Variants in TMEM132D observed in about 807,000 individuals in gnomAD.
TMEM132D encodes transmembrane protein 132D, also known as mature OL transmembrane protein.
In TMEM132D, 21 loss-of-function variants were observed where a neutral mutation model predicts 62.3. The ratio of observed to expected loss-of-function variants is 0.34; its 90% CI spans 0.24 to 0.49. TMEM132D has a LOEUF of 0.49. TMEM132D is among the 20% of genes least tolerant of loss of function. TMEM132D has a pLI of 0.99. For missense variants in TMEM132D, 1,346 were observed against 1,402.8 expected, an observed-to-expected ratio of 0.96 and a Z score of 0.65; for synonymous variants, 621 against 575.6, an observed-to-expected ratio of 1.08 and a Z score of -1.13.
intron 5 of TMEM132D, among the ~76,000 whole-genome samples, chr12:129,100,579 A>C (rs1875270272): frequency 6.6e-6 from 1 of 152,218 alleles, no homozygotes; most frequent in Non-Finnish European, 1.5e-5. Flanking sequence ...TTACTGTAAA[A>C]AATCAGCCAG....
At chr12:129,809,345 G>A (rs1196468531) in intron 1 of TMEM132D, among the ~76,000 whole-genome samples, 2 of 151,252 alleles carry the variant, frequency 1.3e-5, no homozygotes, top group Admixed American at 6.6e-5. Flanking sequence ...AACGCTCTGA[G>A]CAAACCTTGG....
At chr12:129,792,561 A>G (rs12318849) in intron 1 of TMEM132D, among the ~76,000 whole-genome samples, 5,878 of 152,260 alleles carry the variant, frequency 0.039, 393 homozygotes, top group African/African-American at 0.13. Flanking sequence ...CATGGGAAAC[A>G]AATGAGACAC....
chr12:129,294,972 C>A (rs1881532193), intron 4 of TMEM132D, among the ~76,000 whole-genome samples: 1 of 152,164 alleles, frequency 6.6e-6, no homozygotes, highest in African/African-American at 2.4e-5. Flanking sequence ...TATTTGGTCA[C>A]ATGTTACTGA....
intron 3 of TMEM132D, among the ~76,000 whole-genome samples, chr12:129,419,181 C>G (rs986209008): frequency 2.8e-5 from 3 of 106,942 alleles, no homozygotes; most frequent in African/African-American, 1.2e-4. Flanking sequence ...CCTTGAGAGT[C>G]CCCAACTCCA....
chr12:129,803,501 GAC>G (rs1266016530), intron 1 of TMEM132D, among the ~76,000 whole-genome samples: 38 of 151,746 alleles, frequency 2.5e-4, no homozygotes, highest in Non-Finnish European at 4.6e-4. Context: ...CGAGAAGAAA[GAC>G]ACAACATACC....
Position 129,428,002 on chromosome 12 carries a change from C to G in TMEM132D, c.1116-90185G>C, listed in dbSNP as rs141099640. On this transcript the variant is annotated intron_variant, in intron 3 of 8. Transcript: ENST00000422113. ...GAAATTTCTCCATGGGAAATTTACA[C>G]TTCTATAAAAATTCATATATAATAA... 2.2e-4 allele frequency among the ~76,000 whole-genome samples: 33 copies of G among 152,172 alleles called. 1 individual carries two copies. In the East Asian group the frequency reaches 6.4e-3, roughly 29 times the overall value.
intron 1 of TMEM132D, among the ~76,000 whole-genome samples, chr12:129,821,862 G>T (rs1350150248): frequency 1.3e-5 from 2 of 152,182 alleles, no homozygotes; most frequent in African/African-American, 4.8e-5. Flanking sequence ...GAGTCATGAA[G>T]CCTGCTGGTC....
rs1481575226 is a variant in TMEM132D at position 129,073,940 on chromosome 12, C to A, written c.3235G>T (p.Asp1079Tyr). Residue 1079 changes from aspartate (D) to tyrosine (Y), a missense_variant, in exon 9 of 9, where the codon GAT (aspartate) becomes TAT (tyrosine). Physicochemically the swap from Asp to Tyr is radical, Grantham distance 160. Transcript: ENST00000422113. ...SEDDIKWVCQDLDPGDCKELH... is the reference protein window; with the variant it reads ...SEDDIKWVCQYLDPGDCKELH... ...TCTTTGCAGTCCCCAGGGTCCAGATCCTGGCAGACCCACTTAATGTCATCC... is the reference window on the plus strand; with the variant it reads ...TCTTTGCAGTCCCCAGGGTCCAGATACTGGCAGACCCACTTAATGTCATCC... 1.9e-6 allele frequency: 3 copies of A among 1,604,656 alleles called. No homozygotes were observed. The highest frequency in any genetic ancestry group is 2.2e-5 in the East Asian group (1 of 44,744).
intron 3 of TMEM132D, among the ~76,000 whole-genome samples, chr12:129,471,729 AAGG>A (rs1489425255): frequency 1.5e-4 from 23 of 152,346 alleles, no homozygotes; most frequent in Admixed American, 3.9e-4. Context: ...TGTGAATGCA[AAGG>A]AGAAGTTTTT....
chr12:129,400,643 A>G (rs2135700058), intron 3 of TMEM132D, among the ~76,000 whole-genome samples: 1 of 152,288 alleles, frequency 6.6e-6, no homozygotes, highest in African/African-American at 2.4e-5. Flanking sequence ...CAAAAATCCA[A>G]TTAATGAACC....
intron 2 of TMEM132D, among the ~76,000 whole-genome samples, chr12:129,571,762 C>T (rs1877520177): frequency 6.6e-6 from 1 of 151,916 alleles, no homozygotes; most frequent in Admixed American, 6.6e-5. Flanking sequence ...TTTTGATCTG[C>T]TATTCCCAAT....
At chr12:129,604,087 G>C (rs1277704400) in intron 2 of TMEM132D, among the ~76,000 whole-genome samples, 1 of 152,092 alleles carries the variant, frequency 6.6e-6, no homozygotes, top group Admixed American at 6.5e-5. Flanking sequence ...AACACTGCAT[G>C]TTCTCACTCA....
intron 3 of TMEM132D, among the ~76,000 whole-genome samples, chr12:129,443,864 C>T (rs1178941813): frequency 6.6e-6 from 1 of 152,050 alleles, no homozygotes; most frequent in Non-Finnish European, 1.5e-5. Flanking sequence ...GGCCACGTGG[C>T]CCAAATGACT....
At position 129,662,446 on chromosome 12, in the gene TMEM132D, T is replaced by C. The variant is rs192884004; in HGVS notation, c.968+37364A>G. 4.4e-3 allele frequency among the ~76,000 whole-genome samples: 674 copies of C among 152,308 alleles called. 7 individuals are homozygous for C. Among genetic ancestry groups the C allele is most frequent in the African/African-American group, 0.015 (644 of 41,572 alleles). On this transcript the variant is annotated intron_variant, in intron 2 of 8. Transcript: ENST00000422113. ...TGACCTATGTGGATAAAATCCATAA[T>C]CCTGGCTTTTTTTGGCCAAGACTCA...
intron 5 of TMEM132D, among the ~76,000 whole-genome samples, chr12:129,092,057 G>A (rs1211842098): frequency 6.6e-6 from 1 of 152,156 alleles, no homozygotes; most frequent in Non-Finnish European, 1.5e-5. Context: ...ACATTACAAT[G>A]CTGATGGTTT....
chr12:129,519,582 T>C (rs1875788046), intron 3 of TMEM132D, among the ~76,000 whole-genome samples: 1 of 143,668 alleles, frequency 7.0e-6, no homozygotes, highest in Non-Finnish European at 1.5e-5. Flanking sequence ...GTCAAAGCAA[T>C]CTATGACACC....
intron 3 of TMEM132D, among the ~76,000 whole-genome samples, chr12:129,364,011 T>C (rs1870330409): frequency 6.6e-6 from 1 of 152,242 alleles, no homozygotes. Flanking sequence ...TTCTTTTATC[T>C]CAGGCTTCAA....
At chr12:129,495,618 C>T (rs1383646916) in intron 3 of TMEM132D, among the ~76,000 whole-genome samples, 1 of 152,160 alleles carries the variant, frequency 6.6e-6, no homozygotes, top group Admixed American at 6.5e-5. Context: ...CCCCGAGTCA[C>T]GTCCCTTTCT....
At chr12:129,210,780 G>A (rs1879018954) in intron 4 of TMEM132D, 1 of 152,194 alleles carries the variant, frequency 6.6e-6, no homozygotes, top group African/African-American at 2.4e-5. Flanking sequence ...ACAGGGAAAG[G>A]ACTGGGATTT....
Sources: allele counts gnomAD v4.1 joint callset (sites outside exome capture counted in the v4.1 genomes callset), GRCh38; gene constraint gnomAD v4.1.1; transcripts MANE v1.5; gene names NCBI Gene and HGNC (gene_info 2026-07-23, HGNC 2026-07-21).